The following YEATS2 variants were observed in gnomAD, a reference collection of about 807,000 sequenced individuals.
YEATS2 encodes the protein YEATS domain containing 2.
A neutral mutation model predicts 163.2 loss-of-function variants in YEATS2; 77 were observed. The observed-to-expected ratio is 0.47, with a 90% CI of 0.39 to 0.57. YEATS2 has a LOEUF of 0.57. YEATS2 is among the 20% of genes least tolerant of loss of function. The pLI is 0.00. For synonymous variants in YEATS2, 631 were observed against 645.1 expected (o/e 0.98, Z 0.33); for missense variants, 1,549 against 1,729.8 (o/e 0.90, Z 1.85).
At chr3:183,712,365 T>C (rs1264310661) in intron 1 of YEATS2, among the ~76,000 whole-genome samples, 1 of 151,476 alleles carries the variant, frequency 6.6e-6, no homozygotes, top group Non-Finnish European at 1.5e-5. Flanking sequence ...TGAGCCACCA[T>C]GCCCAGCTAA....
At position 183,717,705 on chromosome 3, in the gene YEATS2, T is replaced by A. The variant is rs756754613; in HGVS notation, c.155T>A (p.Leu52His). The A allele has an allele frequency of 6.4e-7, 1 of 1,568,802 alleles. No individual in the cohort carries two copies. The highest frequency in any genetic ancestry group is 8.6e-7 in the Non-Finnish European group (1 of 1,164,310). The part of the protein sequence containing the change: ...IETIIKEQFA[L>H]EMKNKEHEIE... The stretch of plus-strand genomic sequence containing the variant: ...ACTATTATCAAAGAACAGTTTGCTC[T>A]TGAAATGAAGAATAAGGAACATGAA... Residue 52 changes from leucine (L) to histidine (H), a missense_variant, in exon 3 of 31, where the codon CTT becomes CAT. Transcript: ENST00000305135.
chr3:183,779,958 T>A (rs918858167), intron 19 of YEATS2, among the ~76,000 whole-genome samples: 1 of 151,330 alleles, frequency 6.6e-6, no homozygotes, highest in Admixed American at 6.6e-5. Context: ...GGCCTCCCAA[T>A]GAACTGAGAT....
At chr3:183,803,770 C>T in intron 26 of YEATS2, 1 of 574,148 alleles carries the variant, frequency 1.7e-6, no homozygotes, top group South Asian at 2.1e-5. Context: ...AGGTGAAGAT[C>T]CTTAAAGGCC....
chr3:183,803,929 T>G, intron 26 of YEATS2, 58 bp from the exon 27 acceptor site: 1 of 1,559,444 alleles, frequency 6.4e-7, no homozygotes, highest in Non-Finnish European at 8.8e-7. Context: ...GCATGATACG[T>G]AGTTGTGTTA....
chr3:183,712,761 C>T (rs936511633), intron 1 of YEATS2, among the ~76,000 whole-genome samples: 1 of 134,278 alleles, frequency 7.4e-6, no homozygotes, highest in African/African-American at 2.8e-5. Flanking sequence ...AATACTAATA[C>T]AAATTTTTTT....
chr3:183,807,064 C>G lies in YEATS2; in HGVS notation c.3983C>G (p.Ser1328Cys). The change falls in exon 28 of 31, where the codon TCT becomes TGT. Residue 1328 changes from serine (S) to cysteine (C), a missense_variant. Transcript: ENST00000305135. ...TTCTACCTGCCACCAACCCCAGGGT[C>G]TGAATTTATTGGGGATGTCACACAG... ...VKFYLPPTPGSEFIGDVTQKI... is the reference protein window; with the variant it reads ...VKFYLPPTPGCEFIGDVTQKI... The G allele has an allele frequency of 1.2e-6, 2 of 1,613,836 alleles. No individual in the cohort carries two copies. Among genetic ancestry groups the G allele is most frequent in the Non-Finnish European group, 1.7e-6 (2 of 1,179,944 alleles).
intron 22 of YEATS2, 82 bp from the exon 23 acceptor site, chr3:183,798,809 G>T: frequency 9.3e-7 from 1 of 1,078,850 alleles, no homozygotes; most frequent in Non-Finnish European, 1.4e-6. Flanking sequence ...GTCTAATGTG[G>T]GGTTGTCACC....
chr3:183,709,372 C>T (rs929070629), intron 1 of YEATS2, among the ~76,000 whole-genome samples: 2 of 152,124 alleles, frequency 1.3e-5, no homozygotes, highest in African/African-American at 4.8e-5. Context: ...GTTTCTGTCA[C>T]CCAGGCTGGT....
chr3:183,779,822 C>T (rs369612716), intron 19 of YEATS2, among the ~76,000 whole-genome samples: 6 of 151,950 alleles, frequency 3.9e-5, no homozygotes, highest in South Asian at 4.2e-4. Context: ...CTCAGCCTCC[C>T]GAGTAGCTGG....
chr3:183,746,807 A>T (rs779709302), intron 8 of YEATS2, among the ~76,000 whole-genome samples: 26 of 152,034 alleles, frequency 1.7e-4, no homozygotes, highest in Non-Finnish European at 2.9e-4. Context: ...TGTCCTCTCT[A>T]TGTTGGCTGC....
intron 6 of YEATS2, among the ~76,000 whole-genome samples, chr3:183,727,108 G>A (rs1429653597): frequency 2.0e-5 from 3 of 151,986 alleles, no homozygotes; most frequent in African/African-American, 7.2e-5. Flanking sequence ...GCCTTGTCTG[G>A]CTTTGTACCC....
At chr3:183,790,664 A>G in intron 20 of YEATS2, 133 bp from the exon 21 acceptor site, 1 of 903,142 alleles carries the variant, frequency 1.1e-6, no homozygotes, top group African/African-American at 1.7e-5. Context: ...TTTAAATGGT[A>G]TGGCATTTAC....
intron 30 of YEATS2, chr3:183,809,659 C>T (rs1726595146): frequency 6.5e-6 from 1 of 152,894 alleles, no homozygotes; most frequent in Non-Finnish European, 1.5e-5. Context: ...CTCTGAGGCC[C>T]CTGGGCTCGC....
At chr3:183,759,440 C>T (rs1231604693) in intron 13 of YEATS2, among the ~76,000 whole-genome samples, 1 of 152,114 alleles carries the variant, frequency 6.6e-6, no homozygotes, top group African/African-American at 2.4e-5. Context: ...GTTAAAAATA[C>T]TTGCTTATAA....
In YEATS2 at chr3:183,711,824, T is replaced by TC. The variant is rs1329785128; in HGVS notation, c.-19-3320_-19-3319insC. ...ACTTTTAAATAGTGTGTTTTTTTTT[T>TC]TTCTTTGTTTTTTGAGATGGAGTCT... On this transcript the variant is annotated intron_variant, in intron 1 of 30. Coordinates refer to ENST00000305135, the MANE Select transcript of YEATS2 (RefSeq NM_018023.5). 1.4e-4 allele frequency among the ~76,000 whole-genome samples: 22 copies of TC among 151,830 alleles called. No homozygotes were observed. The South Asian group carries it at 4.6e-3, about 32-fold the overall frequency.
chr3:183,711,053 AAGT>A (rs911824949), intron 1 of YEATS2, among the ~76,000 whole-genome samples: 28 of 152,280 alleles, frequency 1.8e-4, no homozygotes, highest in African/African-American at 6.5e-4. Context: ...AGAATAAATT[AAGT>A]TTATTTTTTT....
intron 13 of YEATS2, among the ~76,000 whole-genome samples, chr3:183,759,251 T>TAGACTTTACTACCCCC (rs1721094006): frequency 6.6e-6 from 1 of 152,180 alleles, no homozygotes; most frequent in Admixed American, 6.5e-5. Context: ...GTTAAGTATC[T>TAGACTTTACTACCCCC]AGACTTTACT....
At chr3:183,742,581 C>T (rs934218690) in intron 8 of YEATS2, among the ~76,000 whole-genome samples, 3 of 152,192 alleles carry the variant, frequency 2.0e-5, no homozygotes, top group Admixed American at 6.5e-5. Flanking sequence ...TTGCTTCTTA[C>T]GGATAAGCAA....
Position 183,762,139 on chromosome 3 carries a change from G to A in YEATS2, c.1807G>A (p.Ala603Thr), listed in dbSNP as rs372202944. Residue 603 changes from alanine (A) to threonine (T), a missense_variant, in exon 15 of 31, where the codon GCA (alanine) becomes ACA (threonine). Coordinates refer to ENST00000305135, the MANE Select transcript of YEATS2 (RefSeq NM_018023.5). ...QEPGEAPHVP[A>T]TGAASQSPLP... ...ACCTGGTGAAGCCCCTCACGTGCCC[G>A]CAACAGGAGCTGCCAGCCAGTCACC... The A allele has an allele frequency of 1.5e-4, 243 of 1,613,938 alleles. No homozygotes were observed. The highest frequency in any genetic ancestry group is 1.8e-4 in the Non-Finnish European group (218 of 1,180,016).
Sources: gnomAD v4.1 joint callset for allele counts (sites outside exome capture counted in the v4.1 genomes callset) on GRCh38, gnomAD v4.1.1 for gene constraint, MANE v1.5 for transcripts, NCBI Gene and HGNC (gene_info 2026-07-23, HGNC 2026-07-21) for gene names.